Variants in KDR observed in about 807,000 individuals in gnomAD.
KDR encodes the protein kinase insert domain receptor.
KDR carries 43 observed loss-of-function variants against 160.9 expected under a neutral mutation model. The observed-to-expected ratio is 0.27, with a 90% CI of 0.21 to 0.34. The LOEUF (loss-of-function observed/expected upper bound fraction) is 0.34. KDR is among the 10% of genes least tolerant of loss of function. The pLI is 1.00. For synonymous variants in KDR, 617 were observed against 600.1 expected (o/e 1.03, Z -0.41); for missense variants, 1,469 against 1,666.4 (o/e 0.88, Z 2.06).
intron 2 of KDR, among the ~76,000 whole-genome samples, chr4:55,120,165 A>G (rs565246077): frequency 6.6e-6 from 1 of 152,260 alleles, no homozygotes; most frequent in Non-Finnish European, 1.5e-5. Context: ...TATTCTTTAT[A>G]CTGCAGTCTA....
At chr4:55,094,758 C>G in intron 21 of KDR, 44 bp downstream of exon 21, 1 of 1,584,268 alleles carries the variant, frequency 6.3e-7, no homozygotes, top group Non-Finnish European at 8.7e-7. Context: ...CCTGTCTGCT[C>G]TGACAAGAGC....
chr4:55,110,496 C>T lies in KDR; in HGVS notation c.1162G>A (p.Val388Met), dbSNP rs1720550295. 2 of 1,613,958 alleles carry T rather than the reference C, an allele frequency of 1.2e-6. No individual in the cohort carries two copies. The highest frequency in any genetic ancestry group is 1.7e-6 in the Non-Finnish European group (2 of 1,179,916). ...TAATTTCCTGTGTCTCTTTCACTCA[C>T]TTCCATAATCGTCAGTACATGCCCC... ...KAGHVLTIME[V>M]SERDTGNYTV... Residue 388 changes from valine to methionine, a missense_variant, in exon 9 of 30, where the codon GTG (valine) becomes ATG (methionine). Physicochemically the swap from Val to Met is conservative, Grantham distance 21. Coordinates refer to ENST00000263923, the MANE Select transcript of KDR (RefSeq NM_002253.4).
At chr4:55,082,914 C>T (rs1719773613) in intron 27 of KDR, among the ~76,000 whole-genome samples, 1 of 152,210 alleles carries the variant, frequency 6.6e-6, no homozygotes, top group Admixed American at 6.5e-5. Context: ...ACAACAACAG[C>T]AGATGGAGTG....
At chr4:55,093,127 T>A (rs1257757722) in intron 21 of KDR, among the ~76,000 whole-genome samples, 2 of 152,228 alleles carry the variant, frequency 1.3e-5, no homozygotes, top group African/African-American at 2.4e-5. Flanking sequence ...ATCTCTTCTC[T>A]CCAGGTTTTG....
intron 29 of KDR, 50 bp downstream of exon 29, chr4:55,081,906 T>C (rs749988660): frequency 2.3e-5 from 30 of 1,325,668 alleles, no homozygotes; most frequent in Admixed American, 8.4e-5. Flanking sequence ...CCTAAGTTCC[T>C]TCCAAAAATT....
At chr4:55,117,126 A>G (rs1441102661) in intron 3 of KDR, among the ~76,000 whole-genome samples, 3 of 152,214 alleles carry the variant, frequency 2.0e-5, no homozygotes, top group African/African-American at 7.2e-5. Context: ...TTGACGTAAG[A>G]CTAAACCTAT....
chr4:55,096,236 C>G lies in KDR; in HGVS notation c.2721G>C (p.Lys907Asn), dbSNP rs200773668. ...CCACCCACAGTTACTCACCTCCTGGCTTGGTACAGGCACCTAGAAGGTTGA... is the reference window on the plus strand; with the variant it reads ...CCACCCACAGTTACTCACCTCCTGGGTTGGTACAGGCACCTAGAAGGTTGA... ...NVVNLLGACTKPGGPLMVIVE... is the reference protein window; with the variant it reads ...NVVNLLGACTNPGGPLMVIVE... Residue 907 changes from lysine to asparagine, a missense_variant, in exon 19 of 30, where the codon AAG becomes AAC. Lys to Asn is a moderately conservative substitution (Grantham distance 94). Coordinates refer to ENST00000263923, the MANE Select transcript of KDR (RefSeq NM_002253.4). The G allele has an allele frequency of 6.2e-7, 1 of 1,606,658 alleles. No homozygotes were observed. Among genetic ancestry groups the G allele is most frequent in the Non-Finnish European group, 8.5e-7 (1 of 1,173,714 alleles).
chr4:55,082,185 G>A (rs1008350235), intron 28 of KDR, 144 bp from the exon 29 acceptor site: 5 of 731,394 alleles, frequency 6.8e-6, no homozygotes, highest in Admixed American at 4.1e-5. Context: ...GCCACAAATT[G>A]TCCAAGCTAC....
At chr4:55,115,667 C>G (rs969125143) in intron 3 of KDR, among the ~76,000 whole-genome samples, 3 of 151,800 alleles carry the variant, frequency 2.0e-5, no homozygotes, top group Admixed American at 6.6e-5. Flanking sequence ...AAAAAAACTC[C>G]CAATTGAGAT....
chr4:55,117,930 T>C (rs536979823), intron 3 of KDR, among the ~76,000 whole-genome samples: 3 of 152,292 alleles, frequency 2.0e-5, no homozygotes, highest in East Asian at 1.9e-4. Context: ...ATGCAGAATA[T>C]GTGTGACATT....
intron 13 of KDR, among the ~76,000 whole-genome samples, chr4:55,103,358 G>T (rs1350541): frequency 0.026 from 3,921 of 152,264 alleles, 188 homozygotes; most frequent in African/African-American, 0.089. Flanking sequence ...TACCTCAACA[G>T]CGTACTACAT....
intron 25 of KDR, 32 bp downstream of exon 25, chr4:55,089,342 A>C: frequency 6.7e-6 from 10 of 1,500,496 alleles, no homozygotes; most frequent in Non-Finnish European, 9.3e-6. Flanking sequence ...GAGCAAAGAA[A>C]GAGAACACAG....
intron 15 of KDR, 99 bp from the exon 16 acceptor site, chr4:55,098,902 C>T: frequency 1.2e-6 from 1 of 837,126 alleles, no homozygotes; most frequent in South Asian, 1.4e-5. Context: ...CCCAAGCTTA[C>T]CAACTTGGAA....
intron 9 of KDR, among the ~76,000 whole-genome samples, chr4:55,108,198 C>CA (rs10693062): frequency 0.065 from 7,513 of 115,134 alleles, 551 homozygotes; most frequent in African/African-American, 0.21. Context: ...CCATCTCTAC[C>CA]AAAAAAAAAA....
chr4:55,088,280 T>C (rs1719912194), intron 26 of KDR, among the ~76,000 whole-genome samples: 1 of 152,204 alleles, frequency 6.6e-6, no homozygotes, highest in Non-Finnish European at 1.5e-5. Context: ...CTATTTGATA[T>C]CTGTAAATGT....
At chr4:55,097,808 T>G in intron 17 of KDR, 42 bp from the exon 18 acceptor site, 1 of 1,392,294 alleles carries the variant, frequency 7.2e-7, no homozygotes, top group African/African-American at 1.4e-5. Context: ...AGACTTGGAT[T>G]ACTATACAAC....
intron 7 of KDR, among the ~76,000 whole-genome samples, chr4:55,111,775 C>T (rs1341085582): frequency 3.3e-5 from 5 of 152,186 alleles, no homozygotes; most frequent in Non-Finnish European, 5.9e-5. Flanking sequence ...AAGAAATTTT[C>T]AAGTTCTTGC....
intron 25 of KDR, 95 bp from the exon 26 acceptor site, chr4:55,089,068 C>T (rs375309641): frequency 7.1e-5 from 61 of 855,856 alleles, no homozygotes; most frequent in Middle Eastern, 2.2e-4. Context: ...AAAGAGCTGA[C>T]GAGGTGAGAT....
At chr4:55,092,413 C>A (rs547724293) in intron 22 of KDR, 241 of 580,496 alleles carry the variant, frequency 4.2e-4, no homozygotes, top group Middle Eastern at 4.0e-3. Flanking sequence ...GCTTGACAAG[C>A]CTTTATTATA....
Sources: allele counts gnomAD v4.1 joint callset (sites outside exome capture counted in the v4.1 genomes callset), GRCh38; gene constraint gnomAD v4.1.1; transcripts MANE v1.5; gene names NCBI Gene and HGNC (gene_info 2026-07-23, HGNC 2026-07-21).